OTOF: variants seen among roughly 807,000 people sequenced by gnomAD.
OTOF encodes the protein otoferlin, also known as fer-1-like family member 2.
In OTOF, 218 loss-of-function variants were observed where a neutral mutation model predicts 236.8. That is an observed-to-expected ratio of 0.92 (90% CI 0.82 to 1.03). The LOEUF (loss-of-function observed/expected upper bound fraction) is 1.03, where lower values mean the gene tolerates loss of function less well. OTOF is among the 50% of genes least tolerant of loss of function. The pLI, the probability that OTOF is intolerant of heterozygous loss-of-function variation, is 0.00. For missense variants in OTOF, 2,590 were observed against 2,694.4 expected (o/e 0.96, Z 0.86); for synonymous variants, 1,041 against 1,072.5 (o/e 0.97, Z 0.57).
At position 26,516,466 on chromosome 2, in the gene OTOF, G is replaced by C; in HGVS notation, c.461C>G (p.Pro154Arg). The C allele has an allele frequency of 6.2e-7, 1 of 1,613,962 alleles. No individual in the cohort carries two copies. Among genetic ancestry groups the C allele is most frequent in the Non-Finnish European group, 8.5e-7 (1 of 1,180,000 alleles). ...KDSQETDGLL[P>R]GSRPSSRPPG... is the part of the protein sequence containing the mutation. ...GGGCCGGGAGCTGGGCCGGGAGCCTGGGAGCAGTCCATCCGTCTCTTGGCT... is the reference window on the plus strand; with the variant it reads ...GGGCCGGGAGCTGGGCCGGGAGCCTCGGAGCAGTCCATCCGTCTCTTGGCT... The change falls in exon 5 of 47, where the codon CCA becomes CGA. Residue 154 changes from proline (P) to arginine (R), a missense_variant. Physicochemically the swap from Pro to Arg is moderately radical, Grantham distance 103. This residue lies in a region of OTOF where 1,379 missense variants were observed against 1,341.6 expected (regional missense o/e 1.03). Transcript: ENST00000272371.
Position 26,502,442 on chromosome 2 carries a change from G to A in OTOF, c.584-16C>T. 1.2e-6 allele frequency: 2 copies of A among 1,610,572 alleles called. No individual in the cohort carries two copies. Among genetic ancestry groups the A allele is most frequent in the South Asian group, 2.2e-5 (2 of 90,476 alleles). The stretch of plus-strand genomic sequence containing the variant: ...GCCGGTTCATCTGGGGAAGATGAAA[G>A]ACTGGTTAGGTGGGCTGACTGATGG... On this transcript the variant is annotated splice_polypyrimidine_tract_variant and intron_variant, in intron 6 of 46. Coordinates refer to ENST00000272371, the MANE Select transcript of OTOF (RefSeq NM_194248.3).
intron 5 of OTOF, among the ~76,000 whole-genome samples, chr2:26,507,231 T>C (rs1180696667): frequency 1.3e-5 from 2 of 152,236 alleles, no homozygotes; most frequent in Non-Finnish European, 2.9e-5. Flanking sequence ...ACAGGCTCTG[T>C]ACCTCTGATT....
intron 16 of OTOF, 61 bp downstream of exon 16, chr2:26,480,142 T>C (rs1056962525): frequency 1.1e-6 from 1 of 950,482 alleles, no homozygotes; most frequent in Middle Eastern, 2.4e-4. Context: ...AGCCTAGGCC[T>C]GAAGCCCCCG....
chr2:26,466,892 G>T (rs760259059), intron 35 of OTOF, 41 bp from the exon 36 acceptor site: 1 of 1,613,842 alleles, frequency 6.2e-7, no homozygotes, highest in Non-Finnish European at 8.5e-7. Context: ...GGTTTGCCTG[G>T]CAAGGGTGGC....
chr2:26,466,577 T>C (rs765616186), intron 36 of OTOF, 137 bp downstream of exon 36: 7 of 986,362 alleles, frequency 7.1e-6, no homozygotes, highest in Non-Finnish European at 1.1e-5. Flanking sequence ...CCTCAGGTGA[T>C]CCTCCTGCCT....
intron 22 of OTOF, 113 bp downstream of exon 22, chr2:26,476,778 G>A (rs1245768163): frequency 2.4e-6 from 2 of 818,676 alleles, no homozygotes; most frequent in South Asian, 2.7e-5. Flanking sequence ...GCTCTTCTCT[G>A]AGCACCTGCT....
intron 2 of OTOF, among the ~76,000 whole-genome samples, chr2:26,536,736 G>C (rs543388260): frequency 6.6e-6 from 1 of 152,178 alleles, no homozygotes; most frequent in Non-Finnish European, 1.5e-5. Context: ...CAGGAGAGAG[G>C]GGGTACACTA....
At chr2:26,508,791 C>T (rs1438052437) in intron 5 of OTOF, among the ~76,000 whole-genome samples, 1 of 152,238 alleles carries the variant, frequency 6.6e-6, no homozygotes, top group African/African-American at 2.4e-5. Context: ...CACACATTAA[C>T]ATTTCAGAGA....
In OTOF at chr2:26,462,082, C is replaced by G. The variant is rs762660468; in HGVS notation, c.5291+1G>C. 6.2e-7 allele frequency: 1 copy of G among 1,611,294 alleles called. No individual in the cohort carries two copies. On this transcript the variant is annotated splice_donor_variant, in intron 42 of 46. Coordinates refer to ENST00000272371, the MANE Select transcript of OTOF (RefSeq NM_194248.3). LOFTEE classifies it high-confidence loss of function. This position sits in a 1 kb window ranked among gnomAD's most constrained non-coding sequence, Gnocchi z 4.7. ...CTCCCATGCAGGGACTGCTCACCCA[C>G]CCCCTCACGAAGATGTCACTGGACT...
intron 11 of OTOF, among the ~76,000 whole-genome samples, chr2:26,488,873 C>G (rs1179637193): frequency 1.3e-5 from 2 of 152,242 alleles, no homozygotes; most frequent in Non-Finnish European, 2.9e-5. Flanking sequence ...CTCACCGCAT[C>G]CTCTACCACT....
intron 18 of OTOF, among the ~76,000 whole-genome samples, chr2:26,478,911 A>T (rs1043402587): frequency 6.6e-6 from 1 of 152,078 alleles, no homozygotes; most frequent in Non-Finnish European, 1.5e-5. Flanking sequence ...GTTGGCCAGG[A>T]TGGTCTCGAA....
intron 2 of OTOF, among the ~76,000 whole-genome samples, chr2:26,530,852 C>A (rs1666930461): frequency 6.6e-6 from 1 of 152,162 alleles, no homozygotes; most frequent in South Asian, 2.1e-4. Context: ...GCCGGCACCT[C>A]TAGGTGGGGT....
Position 26,473,843 on chromosome 2 carries a change from G to C in OTOF, c.3408+148C>G. Reference sequence around the variant, plus strand: ...GGACATGGGAGTGCGACTTGGTGCAGATGGGGGCAGGCCCTGGGCTGGGGC... The same window carrying C: ...GGACATGGGAGTGCGACTTGGTGCACATGGGGGCAGGCCCTGGGCTGGGGC... On this transcript the variant is annotated intron_variant, in intron 27 of 46. Transcript: ENST00000272371. This position sits in a 1 kb window ranked among gnomAD's most constrained non-coding sequence, Gnocchi z 7.2. 1 of 1,107,136 alleles carries C rather than the reference G, an allele frequency of 9.0e-7. No individual in the cohort carries two copies. The allele number at this position is 1,107,136 out of a possible 1,614,324, so 68.6% of individuals were successfully genotyped here.
At chr2:26,492,861 G>T (rs775463760) in intron 9 of OTOF, among the ~76,000 whole-genome samples, 3 of 152,188 alleles carry the variant, frequency 2.0e-5, no homozygotes, top group African/African-American at 2.4e-5. Flanking sequence ...GGGCCCTGCC[G>T]GGTGAGTAGG....
intron 1 of OTOF, among the ~76,000 whole-genome samples, chr2:26,551,242 T>A (rs552529931): frequency 4.6e-5 from 7 of 152,326 alleles, no homozygotes; most frequent in African/African-American, 1.7e-4. Context: ...CCCCCCGCCT[T>A]GGCCTCCCAA....
chr2:26,526,546 A>G (rs1267338609), intron 3 of OTOF, among the ~76,000 whole-genome samples: 1 of 152,196 alleles, frequency 6.6e-6, no homozygotes, highest in Non-Finnish European at 1.5e-5. Context: ...TATGTCCTCT[A>G]TGATTTTCCC....
At chr2:26,472,764 G>A in intron 29 of OTOF, 115 bp from the exon 30 acceptor site, 1 of 1,065,034 alleles carries the variant, frequency 9.4e-7, no homozygotes, top group Non-Finnish European at 1.4e-6. Flanking sequence ...TTCTGAGGGA[G>A]AGGGGGACAG....
chr2:26,510,679 C>T lies in OTOF; in HGVS notation c.509+5739G>A, dbSNP rs371774023. On this transcript the variant is annotated intron_variant, in intron 5 of 46. Coordinates refer to ENST00000272371, the MANE Select transcript of OTOF (RefSeq NM_194248.3). The stretch of plus-strand genomic sequence containing the variant: ...CTCTGTCTCCCCAGAGACGCTGTTG[C>T]GTCTGCCCTCGCCTGGGACACCTAC... The T allele has an allele frequency of 2.1e-5, 27 of 1,282,890 alleles. 1 individual carries two copies. The South Asian group carries it at 3.2e-4, about 15-fold the overall frequency. 79.5% of individuals were successfully genotyped at this position (1,282,890 alleles called of 1,614,324 possible).
intron 46 of OTOF, 36 bp downstream of exon 46, chr2:26,459,972 C>T (rs1198936273): frequency 1.9e-6 from 3 of 1,548,368 alleles, no homozygotes; most frequent in East Asian, 2.4e-5. Flanking sequence ...GCCTGCCTAG[C>T]CCTTGGTCCA....
Sources: allele counts gnomAD v4.1 joint callset (sites outside exome capture counted in the v4.1 genomes callset), GRCh38; gene constraint gnomAD v4.1.1; regional missense constraint gnomAD v4.1.1; non-coding constraint Gnocchi (gnomAD v3.1); transcripts MANE v1.5; gene names NCBI Gene and HGNC (gene_info 2026-07-23, HGNC 2026-07-21).